The following PDE4D variants were observed in gnomAD, a reference collection of about 807,000 sequenced individuals.
PDE4D encodes 3',5'-cyclic-AMP phosphodiesterase 4D.
In PDE4D, 24 loss-of-function variants were observed where a neutral mutation model predicts 87.4. The observed-to-expected ratio is 0.27, with a 90% CI of 0.20 to 0.39. PDE4D has a LOEUF of 0.39. Ranked by LOEUF, PDE4D falls within the 10% of genes least tolerant of loss-of-function variation. PDE4D has a pLI of 1.00. For synonymous variants in PDE4D, 384 were observed against 383.2 expected, an observed-to-expected ratio of 1.00 and a Z score of -0.02; for missense variants, 714 against 1,041.0, an observed-to-expected ratio of 0.69 and a Z score of 4.32.
intron 1 of PDE4D, among the ~76,000 whole-genome samples, chr5:59,654,012 C>A (rs1327934751): frequency 1.3e-5 from 2 of 152,016 alleles, no homozygotes; most frequent in Non-Finnish European, 2.9e-5. Flanking sequence ...TCAAGCCCAG[C>A]CTGCACAACC....
intron 1 of PDE4D, among the ~76,000 whole-genome samples, chr5:59,392,224 A>C (rs922636443): frequency 6.6e-6 from 1 of 151,482 alleles, no homozygotes; most frequent in African/African-American, 2.4e-5. Context: ...GTGCAGACCC[A>C]CTCTTAATCT....
At chr5:60,399,515 T>C (rs1740854487) in intron 1 of PDE4D, among the ~76,000 whole-genome samples, 1 of 152,230 alleles carries the variant, frequency 6.6e-6, no homozygotes, top group Admixed American at 6.5e-5. Flanking sequence ...GATAGCCAGA[T>C]TCTTTCTTTT....
Position 59,340,301 on chromosome 5 carries a change from C to T in PDE4D, c.456-124333G>A, listed in dbSNP as rs1164105636. Among the ~76,000 whole-genome samples, 23 of 152,070 alleles carry T rather than the reference C, an allele frequency of 1.5e-4. 1 individual carries two copies. The highest frequency in any genetic ancestry group is 1.5e-3 in the Admixed American group (23 of 15,274). The stretch of plus-strand genomic sequence containing the variant: ...CTGTTCAGTAGAAACATAATGTGAA[C>T]CATGAATGATGGCCACAACATGTAA... On this transcript the variant is annotated intron_variant, in intron 1 of 14. Coordinates refer to ENST00000340635, the MANE Select transcript of PDE4D (RefSeq NM_001104631.2).
chr5:59,004,355 C>T (rs1315745101), intron 6 of PDE4D, among the ~76,000 whole-genome samples: 1 of 152,136 alleles, frequency 6.6e-6, no homozygotes, highest in Non-Finnish European at 1.5e-5. Context: ...TTCTACCTTA[C>T]AGGGTTGTTG....
chr5:60,224,911 G>A (rs1427616882), intron 1 of PDE4D, among the ~76,000 whole-genome samples: 1 of 151,968 alleles, frequency 6.6e-6, no homozygotes, highest in East Asian at 1.9e-4. Context: ...ACTCAGTGAA[G>A]TTAACTTAGG....
chr5:59,270,037 T>G (rs959717357), intron 1 of PDE4D, among the ~76,000 whole-genome samples: 25 of 152,150 alleles, frequency 1.6e-4, no homozygotes, highest in African/African-American at 5.5e-4. Flanking sequence ...AATCTCATAC[T>G]TCATGACTTT....
chr5:60,474,779 C>A lies in PDE4D; in HGVS notation c.-90+13163G>T, dbSNP rs113237247. Among the ~76,000 whole-genome samples the A allele has an allele frequency of 2.2e-3, 328 of 152,204 alleles. 2 individuals are homozygous for A. Among genetic ancestry groups the A allele is most frequent in the African/African-American group, 7.6e-3 (316 of 41,550 alleles). On this transcript the variant is annotated intron_variant, in intron 1 of 16. Coordinates refer to the PDE4D transcript ENST00000502484. ...AGACATCCTCCACAGGCTCACCTTA[C>A]CCCCAACAATGTTCCTGTATGGAGC... is the stretch of plus-strand genomic sequence containing the variant.
chr5:59,495,003 T>C (rs1806905562), intron 1 of PDE4D, among the ~76,000 whole-genome samples: 1 of 152,230 alleles, frequency 6.6e-6, no homozygotes, highest in Admixed American at 6.5e-5. Context: ...CCTAAGGCTG[T>C]TATTTTCATC....
At chr5:59,639,074 T>C (rs1267960224) in intron 1 of PDE4D, among the ~76,000 whole-genome samples, 1 of 152,080 alleles carries the variant, frequency 6.6e-6, no homozygotes, top group Non-Finnish European at 1.5e-5. Context: ...TTTTATAGCA[T>C]AAAACATTTT....
chr5:59,139,733 G>C (rs113617256), intron 5 of PDE4D, among the ~76,000 whole-genome samples: 5,783 of 151,896 alleles, frequency 0.038, 330 homozygotes, highest in African/African-American at 0.12. Flanking sequence ...GCCCATCTCA[G>C]CCTCCCAAAA....
At chr5:59,927,838 A>G (rs1291622176) in intron 3 of PDE4D, among the ~76,000 whole-genome samples, 1 of 152,220 alleles carries the variant, frequency 6.6e-6, no homozygotes, top group Non-Finnish European at 1.5e-5. Context: ...GTGATTGTCT[A>G]GTTGTTCACT....
chr5:59,615,288 C>A (rs545203328), intron 1 of PDE4D, among the ~76,000 whole-genome samples: 1 of 152,064 alleles, frequency 6.6e-6, no homozygotes, highest in East Asian at 1.9e-4. Flanking sequence ...CAAAATTGAA[C>A]CCTGGTATGT....
chr5:60,206,538 G>A (rs1742548197), intron 1 of PDE4D, among the ~76,000 whole-genome samples: 1 of 152,148 alleles, frequency 6.6e-6, no homozygotes, highest in Non-Finnish European at 1.5e-5. Flanking sequence ...GTTCTCAAAA[G>A]TGTTCATGCA....
At chr5:59,040,160 G>C (rs1226693709) in intron 5 of PDE4D, 3 of 152,304 alleles carry the variant, frequency 2.0e-5, no homozygotes, top group Admixed American at 6.5e-5. Flanking sequence ...CCTACTTCAA[G>C]GAGGCAGGGT....
At chr5:60,121,022 A>G (rs559074823) in intron 2 of PDE4D, among the ~76,000 whole-genome samples, 2 of 151,980 alleles carry the variant, frequency 1.3e-5, no homozygotes, top group East Asian at 3.9e-4. Context: ...ACTGGCCTAG[A>G]CTCCCACTCT....
intron 2 of PDE4D, among the ~76,000 whole-genome samples, chr5:60,167,196 T>G (rs927474741): frequency 6.6e-6 from 1 of 152,044 alleles, no homozygotes. Context: ...TGTTTTTTGA[T>G]GCTGTCACAT....
chr5:59,330,529 C>A (rs61185892), intron 1 of PDE4D, among the ~76,000 whole-genome samples: 404 of 152,256 alleles, frequency 2.7e-3, no homozygotes, highest in African/African-American at 9.3e-3. Context: ...TCTAATCTCA[C>A]GTATTCACAC....
chr5:60,197,082 T>TAGACAGACAGAC (rs1181739475), intron 1 of PDE4D, among the ~76,000 whole-genome samples: 1 of 83,694 alleles, frequency 1.2e-5, no homozygotes, highest in African/African-American at 4.8e-5. Flanking sequence ...GACAGTTAGA[T>TAGACAGACAGAC]AGATAGATAG....
chr5:59,297,701 A>AAATGAATG (rs924601965), intron 1 of PDE4D, among the ~76,000 whole-genome samples: 97 of 152,264 alleles, frequency 6.4e-4, no homozygotes, highest in African/African-American at 2.0e-3. Context: ...AATATTGGGC[A>AAATGAATG]AATGAATGAA....
Sources: allele counts gnomAD v4.1 joint callset (sites outside exome capture counted in the v4.1 genomes callset), GRCh38; gene constraint gnomAD v4.1.1; transcripts MANE v1.5; gene names NCBI Gene and HGNC (gene_info 2026-07-23, HGNC 2026-07-21).